The following FAM120A variants were observed in gnomAD, a reference collection of about 807,000 sequenced individuals.
The protein encoded by FAM120A is constitutive coactivator of PPAR-gamma-like protein 1.
A neutral mutation model predicts 109.7 loss-of-function variants in FAM120A; 15 were observed. That is an observed-to-expected ratio of 0.14 (90% CI 0.09 to 0.21). FAM120A has a LOEUF of 0.21. FAM120A is among the 10% of genes least tolerant of loss of function. FAM120A has a pLI of 1.00. For synonymous variants in FAM120A, 493 were observed against 572.8 expected, an observed-to-expected ratio of 0.86 and a Z score of 1.99; for missense variants, 899 against 1,439.3, an observed-to-expected ratio of 0.62 and a Z score of 6.07.
chr9:93,497,609 AAAAC>A lies in FAM120A; in HGVS notation c.933+18_933+21del, dbSNP rs745422002. 3.3e-5 allele frequency: 52 copies of A among 1,591,246 alleles called. No individual in the cohort carries two copies. The Middle Eastern group carries it at 8.4e-4, about 26-fold the overall frequency. On this transcript the variant is annotated intron_variant, in intron 4 of 17. Coordinates refer to ENST00000277165, the MANE Select transcript of FAM120A (RefSeq NM_014612.5). The stretch of plus-strand genomic sequence containing the variant: ...TTTCCAGCATTCACAGGTAAAAAAA[AAAAC>A]AAACAAAACAAAAAAACAGATTCAT...
chr9:93,520,370 A>AAAGGTATAAGCAAT (rs1464632420), intron 7 of FAM120A, among the ~76,000 whole-genome samples: 1 of 152,166 alleles, frequency 6.6e-6, no homozygotes, highest in African/African-American at 2.4e-5. Flanking sequence ...CTCATCTCTT[A>AAAGGTATAAGCAAT]AAGGTATAAG....
intron 3 of FAM120A, among the ~76,000 whole-genome samples, chr9:93,492,136 C>T (rs1490308114): frequency 6.6e-6 from 1 of 151,590 alleles, no homozygotes; most frequent in Non-Finnish European, 1.5e-5. Context: ...ATATTGATAA[C>T]TACCTTTGTG....
At chr9:93,460,208 T>G (rs1452715163) in intron 1 of FAM120A, among the ~76,000 whole-genome samples, 1 of 152,228 alleles carries the variant, frequency 6.6e-6, no homozygotes, top group Non-Finnish European at 1.5e-5. Context: ...ATTTTAGGAT[T>G]TGAAAACTTA....
chr9:93,531,715 CATTAT>C (rs1339072007), intron 9 of FAM120A, among the ~76,000 whole-genome samples: 1 of 152,192 alleles, frequency 6.6e-6, no homozygotes, highest in Non-Finnish European at 1.5e-5. Context: ...AAAATTTGAC[CATTAT>C]ATTTTCAGGA....
At chr9:93,466,424 G>A (rs946186092) in intron 1 of FAM120A, among the ~76,000 whole-genome samples, 1 of 152,090 alleles carries the variant, frequency 6.6e-6, no homozygotes, top group African/African-American at 2.4e-5. Flanking sequence ...TGGCCCGTGT[G>A]ACACATGCCA....
At chr9:93,486,195 G>A (rs1350096110) in intron 3 of FAM120A, among the ~76,000 whole-genome samples, 2 of 150,958 alleles carry the variant, frequency 1.3e-5, no homozygotes, top group East Asian at 2.0e-4. Context: ...GGCTGGTCTC[G>A]AACTCCTGGC....
At chr9:93,484,868 C>G (rs1858970163) in intron 3 of FAM120A, among the ~76,000 whole-genome samples, 2 of 152,210 alleles carry the variant, frequency 1.3e-5, no homozygotes, top group Admixed American at 6.5e-5. Flanking sequence ...AGCCACTGCG[C>G]CCGGCCTGCT....
At chr9:93,453,512 T>G in intron 1 of FAM120A, 1 of 985,474 alleles carries the variant, frequency 1.0e-6, no homozygotes, top group Non-Finnish European at 1.2e-6. Flanking sequence ...CTGCTGGAGC[T>G]GAAAGTTTGT....
intron 12 of FAM120A, among the ~76,000 whole-genome samples, chr9:93,551,360 T>TA (rs1010109257): frequency 1.3e-5 from 2 of 152,222 alleles, no homozygotes; most frequent in African/African-American, 2.4e-5. Context: ...TTTCATTAGT[T>TA]ACCTTGTTCA....
intron 3 of FAM120A, among the ~76,000 whole-genome samples, chr9:93,490,681 A>G (rs1859274841): frequency 2.0e-5 from 3 of 152,262 alleles, no homozygotes; most frequent in Admixed American, 1.3e-4. Flanking sequence ...GAATAAATAA[A>G]TAAATGCTTC....
In FAM120A at chr9:93,505,051, G is replaced by GTTT. The variant is rs768552939; in HGVS notation, c.1030+6190_1030+6192dup. Among the ~76,000 whole-genome samples the GTTT allele has an allele frequency of 3.2e-3, 264 of 81,324 alleles. 31 individuals are homozygous for GTTT. Among genetic ancestry groups the GTTT allele is most frequent in the Non-Finnish European group, 4.0e-3 (185 of 46,346 alleles). 53.4% of individuals were successfully genotyped at this position (81,324 alleles called of 152,430 possible). On this transcript the variant is annotated intron_variant, in intron 5 of 17. Transcript: ENST00000277165. ...ATGCTTGTTCATGTTGTTCGCTTGT[G>GTTT]TTTTTTTTTTTTTTTTTTTTTTTTT...
chr9:93,486,799 G>A (rs894093017), intron 3 of FAM120A, among the ~76,000 whole-genome samples: 1 of 151,998 alleles, frequency 6.6e-6, no homozygotes, highest in East Asian at 1.9e-4. Flanking sequence ...TTCCCAAAGT[G>A]CTGGGATTAC....
At chr9:93,497,713 T>C (rs907779560) in intron 4 of FAM120A, 114 bp downstream of exon 4, 87 of 1,273,272 alleles carry the variant, frequency 6.8e-5, no homozygotes, top group Admixed American at 2.6e-4. Flanking sequence ...ACTGGATGGG[T>C]CTGAGAGCTC....
At chr9:93,453,608 G>T in intron 1 of FAM120A, 3 of 985,412 alleles carry the variant, frequency 3.0e-6, no homozygotes, top group Non-Finnish European at 1.2e-6. Context: ...TCCCACCCAC[G>T]ATCCGGTTGC....
At chr9:93,503,106 A>G (rs1295192100) in intron 5 of FAM120A, among the ~76,000 whole-genome samples, 3 of 152,240 alleles carry the variant, frequency 2.0e-5, no homozygotes, top group African/African-American at 2.4e-5. Flanking sequence ...GAAAACACCA[A>G]CAACACTAAA....
intron 5 of FAM120A, among the ~76,000 whole-genome samples, chr9:93,507,423 G>A (rs540126239): frequency 5.9e-5 from 9 of 152,302 alleles, no homozygotes; most frequent in African/African-American, 2.2e-4. Context: ...TTTTGGATAC[G>A]AATGTTGAGG....
chr9:93,550,279 G>T (rs1397798944), intron 11 of FAM120A, among the ~76,000 whole-genome samples: 1 of 152,068 alleles, frequency 6.6e-6, no homozygotes, highest in Non-Finnish European at 1.5e-5. Flanking sequence ...GTACTTCCAG[G>T]GTTTAAATGT....
intron 9 of FAM120A, chr9:93,530,593 C>A (rs957790101): frequency 6.6e-6 from 1 of 152,080 alleles, no homozygotes; most frequent in Non-Finnish European, 1.5e-5. Context: ...TTGCTCAGAT[C>A]CTTTAATTTA....
chr9:93,556,176 C>T (rs925352022), intron 12 of FAM120A, among the ~76,000 whole-genome samples: 1 of 152,178 alleles, frequency 6.6e-6, no homozygotes, highest in African/African-American at 2.4e-5. Flanking sequence ...AAAATATTCT[C>T]TTAAATTCAA....
Sources: allele counts gnomAD v4.1 joint callset (sites outside exome capture counted in the v4.1 genomes callset), GRCh38; gene constraint gnomAD v4.1.1; transcripts MANE v1.5; gene names NCBI Gene and HGNC (gene_info 2026-07-23, HGNC 2026-07-21).